The following PLXDC2 variants were observed in gnomAD, a reference collection of about 807,000 sequenced individuals.
PLXDC2 encodes plexin domain-containing protein 2.
In PLXDC2, 40 loss-of-function variants were observed where a neutral mutation model predicts 68.9. That is an observed-to-expected ratio of 0.58 (90% CI 0.45 to 0.76). PLXDC2 has a LOEUF of 0.76. Among genes scored for constraint, PLXDC2 ranks in the 30% least tolerant of loss-of-function variants. The pLI, the probability that PLXDC2 is intolerant of heterozygous loss-of-function variation, is 0.00. For synonymous variants in PLXDC2, 243 were observed against 234.2 expected (o/e 1.04, Z -0.34); for missense variants, 644 against 661.9 (o/e 0.97, Z 0.30).
chr10:20,230,710 A>AAAAAC (rs1835352252), intron 12 of PLXDC2, among the ~76,000 whole-genome samples: 1 of 149,702 alleles, frequency 6.7e-6, no homozygotes, highest in African/African-American at 2.4e-5. Context: ...AAAAAAAAAA[A>AAAAAC]AAAACAGGAA....
chr10:20,197,091 G>T (rs776864173), intron 9 of PLXDC2, among the ~76,000 whole-genome samples: 1 of 152,094 alleles, frequency 6.6e-6, no homozygotes, highest in Non-Finnish European at 1.5e-5. Context: ...TAGTTAACTG[G>T]AAATATAGCA....
intron 2 of PLXDC2, among the ~76,000 whole-genome samples, chr10:20,024,066 A>G (rs1451585537): frequency 1.3e-5 from 2 of 152,198 alleles, no homozygotes; most frequent in Non-Finnish European, 2.9e-5. Flanking sequence ...ATAGGAACAT[A>G]TATGATATTC....
At chr10:20,238,700 T>C (rs374028269) in intron 12 of PLXDC2, among the ~76,000 whole-genome samples, 19 of 55,792 alleles carry the variant, frequency 3.4e-4, no homozygotes, top group South Asian at 5.2e-4. Context: ...TATACACACA[T>C]ATATATGTGT....
chr10:20,254,612 G>T (rs1246344689), intron 13 of PLXDC2, among the ~76,000 whole-genome samples: 1 of 152,030 alleles, frequency 6.6e-6, no homozygotes, highest in Non-Finnish European at 1.5e-5. Context: ...GAAAAAGATG[G>T]TATTCATTTT....
Position 20,193,178 on chromosome 10 carries a change from A to T in PLXDC2, c.1061+15769A>T, listed in dbSNP as rs191489575. On this transcript the variant is annotated intron_variant, in intron 9 of 13. Transcript: ENST00000377252. ...CTAGAAATTCTATGTTAGTGCAATT[A>T]TTCTCCATAATGGAATTCTTGTGAC... Among the ~76,000 whole-genome samples the T allele has an allele frequency of 2.6e-3, 400 of 152,222 alleles. 2 individuals are homozygous for T. The highest frequency in any genetic ancestry group is 9.3e-3 in the African/African-American group (388 of 41,570).
intron 2 of PLXDC2, among the ~76,000 whole-genome samples, chr10:20,005,753 C>T (rs1421632667): frequency 6.6e-6 from 1 of 152,158 alleles, no homozygotes; most frequent in African/African-American, 2.4e-5. Flanking sequence ...GGCACTAAGC[C>T]ATTCATGAGG....
rs572229881 is a variant in PLXDC2 at position 20,190,110 on chromosome 10, C to T, written c.1061+12701C>T. On this transcript the variant is annotated intron_variant, in intron 9 of 13. Transcript: ENST00000377252. Reference sequence around the variant, plus strand: ...TTAGCATTACATATGTTTATAATTGCTTTTTCAAGATGATCCAAGTAATGT... The same window carrying T: ...TTAGCATTACATATGTTTATAATTGTTTTTTCAAGATGATCCAAGTAATGT... Among the ~76,000 whole-genome samples the T allele has an allele frequency of 1.1e-4, 17 of 151,872 alleles. No individual in the cohort carries two copies. The South Asian group carries it at 3.1e-3, about 28-fold the overall frequency.
chr10:19,912,688 T>C (rs1833296015), intron 1 of PLXDC2, among the ~76,000 whole-genome samples: 1 of 152,176 alleles, frequency 6.6e-6, no homozygotes, highest in South Asian at 2.1e-4. Context: ...GGAATAACTT[T>C]GAAAACTGCC....
chr10:20,237,156 C>T (rs551180726), intron 12 of PLXDC2, among the ~76,000 whole-genome samples: 12 of 152,080 alleles, frequency 7.9e-5, no homozygotes, highest in Non-Finnish European at 1.6e-4. Context: ...ACATAATGTC[C>T]TTAGATGTGT....
chr10:20,249,455 G>A (rs1564366766), intron 13 of PLXDC2, among the ~76,000 whole-genome samples: 1 of 152,106 alleles, frequency 6.6e-6, no homozygotes, highest in Non-Finnish European at 1.5e-5. Context: ...AGGCTTCAGG[G>A]GATAATCGTT....
At chr10:20,243,576 T>C (rs1835547440) in intron 12 of PLXDC2, among the ~76,000 whole-genome samples, 1 of 152,160 alleles carries the variant, frequency 6.6e-6, no homozygotes, top group Non-Finnish European at 1.5e-5. Flanking sequence ...GTCATATTTC[T>C]CCACTTTATC....
intron 2 of PLXDC2, among the ~76,000 whole-genome samples, chr10:20,014,457 C>T (rs950893647): frequency 1.4e-5 from 2 of 146,588 alleles, no homozygotes; most frequent in Admixed American, 7.0e-5. Context: ...CCCTCTCTCT[C>T]TTTCTTTCTT....
intron 7 of PLXDC2, among the ~76,000 whole-genome samples, chr10:20,167,439 T>C (rs1488780273): frequency 6.6e-6 from 1 of 152,144 alleles, no homozygotes; most frequent in Non-Finnish European, 1.5e-5. Context: ...ATGTTACATA[T>C]TCAACAATCA....
intron 1 of PLXDC2, among the ~76,000 whole-genome samples, chr10:19,979,406 T>G (rs1009803237): frequency 3.3e-5 from 5 of 150,728 alleles, no homozygotes; most frequent in African/African-American, 4.9e-5. Context: ...TTAGACTGAG[T>G]CTTGCTTTGT....
At chr10:20,172,942 CAG>C (rs1834468343) in intron 7 of PLXDC2, among the ~76,000 whole-genome samples, 1 of 152,156 alleles carries the variant, frequency 6.6e-6, no homozygotes, top group Admixed American at 6.5e-5. Context: ...ATTAGAACTA[CAG>C]AGAGAGATTT....
At chr10:20,260,643 G>T (rs1179540657) in intron 13 of PLXDC2, among the ~76,000 whole-genome samples, 1 of 152,090 alleles carries the variant, frequency 6.6e-6, no homozygotes, top group East Asian at 1.9e-4. Context: ...TATGAATAAT[G>T]GTACTATGAA....
chr10:19,829,589 C>T (rs923852005), intron 1 of PLXDC2, among the ~76,000 whole-genome samples: 1 of 151,766 alleles, frequency 6.6e-6, no homozygotes, highest in South Asian at 2.1e-4. Context: ...ATTAGCCAGA[C>T]GTGGTGGCGG....
intron 2 of PLXDC2, among the ~76,000 whole-genome samples, chr10:20,013,594 C>G (rs977797685): frequency 6.6e-6 from 1 of 152,070 alleles, no homozygotes; most frequent in Non-Finnish European, 1.5e-5. Flanking sequence ...GAAATCTTTA[C>G]TAGTTCTGTC....
chr10:20,109,658 G>A (rs1237375272), intron 4 of PLXDC2, among the ~76,000 whole-genome samples: 2 of 152,126 alleles, frequency 1.3e-5, no homozygotes, highest in African/African-American at 2.4e-5. Flanking sequence ...TCACATAGAA[G>A]ATAATTATAA....
Sources: gnomAD v4.1 joint callset for allele counts (sites outside exome capture counted in the v4.1 genomes callset) on GRCh38, gnomAD v4.1.1 for gene constraint, MANE v1.5 for transcripts, NCBI Gene and HGNC (gene_info 2026-07-23, HGNC 2026-07-21) for gene names.